Variants in PDE11A observed in about 807,000 individuals in gnomAD.
The protein encoded by PDE11A is phosphodiesterase 11A.
A neutral mutation model predicts 100.5 loss-of-function variants in PDE11A; 100 were observed. The observed-to-expected ratio is 1.00, with a 90% CI of 0.85 to 1.18. The LOEUF is 1.18. Ranked by LOEUF, PDE11A falls within the 50% of genes most tolerant of loss-of-function variation. PDE11A has a pLI of 0.00. For synonymous variants in PDE11A, 381 were observed against 420.8 expected, an observed-to-expected ratio of 0.91 and a Z score of 1.16; for missense variants, 1,141 against 1,152.6, an observed-to-expected ratio of 0.99 and a Z score of 0.15.
intron 5 of PDE11A, among the ~76,000 whole-genome samples, chr2:177,857,631 G>T (rs1048948689): frequency 1.3e-4 from 19 of 151,838 alleles, no homozygotes; most frequent in Non-Finnish European, 4.4e-5. Flanking sequence ...GAATACAAAG[G>T]ACAGAAGGCA....
At chr2:177,744,819 C>T (rs1039484603) in intron 10 of PDE11A, among the ~76,000 whole-genome samples, 1 of 152,296 alleles carries the variant, frequency 6.6e-6, no homozygotes, top group Non-Finnish European at 1.5e-5. Context: ...CACGCACATG[C>T]ACGGAGCAGA....
chr2:177,881,925 A>G (rs565303502), intron 4 of PDE11A, among the ~76,000 whole-genome samples: 1 of 152,348 alleles, frequency 6.6e-6, no homozygotes, highest in South Asian at 2.1e-4. Context: ...CTAAATTGTT[A>G]ATGGCTAATG....
At chr2:177,834,847 GT>G (rs148224967) in intron 6 of PDE11A, among the ~76,000 whole-genome samples, 21 of 149,994 alleles carry the variant, frequency 1.4e-4, no homozygotes, top group East Asian at 1.4e-3. Context: ...CTATGCAAGA[GT>G]TTTTTTTTTC....
At chr2:177,994,760 C>G (rs914850601) in intron 2 of PDE11A, among the ~76,000 whole-genome samples, 3 of 152,132 alleles carry the variant, frequency 2.0e-5, no homozygotes, top group African/African-American at 7.2e-5. Flanking sequence ...TGCTGCTGAT[C>G]AGAAGTTTGC....
intron 2 of PDE11A, among the ~76,000 whole-genome samples, chr2:178,087,435 A>G (rs1357208914): frequency 6.6e-6 from 1 of 152,190 alleles, no homozygotes; most frequent in Non-Finnish European, 1.5e-5. Context: ...CTTGTGCAGC[A>G]ACATGGATAA....
chr2:178,030,295 T>A (rs1176020381), intron 1 of PDE11A, among the ~76,000 whole-genome samples: 1 of 152,056 alleles, frequency 6.6e-6, no homozygotes, highest in South Asian at 2.1e-4. Flanking sequence ...AAAAGTTAGA[T>A]GAAATAAATA....
intron 19 of PDE11A, among the ~76,000 whole-genome samples, chr2:177,662,548 G>A (rs190736265): frequency 3.9e-5 from 6 of 152,294 alleles, no homozygotes; most frequent in East Asian, 3.9e-4. Flanking sequence ...ATGGGGGACT[G>A]CTTATTCGGA....
At chr2:177,748,634 GT>G (rs892234787) in intron 10 of PDE11A, among the ~76,000 whole-genome samples, 64 of 55,094 alleles carry the variant, frequency 1.2e-3, no homozygotes, top group African/African-American at 2.2e-3. Flanking sequence ...TGAGACAGCA[GT>G]TTTTTTTTTT....
chr2:178,006,219 GA>G (rs915543905), intron 2 of PDE11A, among the ~76,000 whole-genome samples: 3 of 152,038 alleles, frequency 2.0e-5, no homozygotes, highest in East Asian at 1.9e-4. Flanking sequence ...GGGACTTCTG[GA>G]AAAAAATGTT....
intron 2 of PDE11A, chr2:177,922,860 C>A: frequency 5.1e-6 from 5 of 979,222 alleles, no homozygotes; most frequent in Non-Finnish European, 6.1e-6. Flanking sequence ...AATAGATTAT[C>A]CATGCCCATG....
chr2:178,063,445 G>C (rs1196046308), intron 1 of PDE11A, among the ~76,000 whole-genome samples: 1 of 152,180 alleles, frequency 6.6e-6, no homozygotes. Flanking sequence ...GGGAGGCATG[G>C]CACACTGTGC....
At chr2:177,962,432 T>C (rs1402563130) in intron 2 of PDE11A, among the ~76,000 whole-genome samples, 2 of 152,074 alleles carry the variant, frequency 1.3e-5, no homozygotes, top group Admixed American at 1.3e-4. Flanking sequence ...ATATAATGAA[T>C]TTATATAGTA....
rs926460319 is a variant in PDE11A, at chr2:178,072,745, G to A, written c.-308C>T. On this transcript the variant is annotated 5_prime_UTR_variant, in exon 1 of 20. Transcript: ENST00000286063. Reference sequence around the variant, plus strand: ...AGCTATCGCTGCTCCTGTTCTGGCTGCCGCCGCTGCTGCTGGAACTGCTGC... The same window carrying A: ...AGCTATCGCTGCTCCTGTTCTGGCTACCGCCGCTGCTGCTGGAACTGCTGC... 1.1e-5 allele frequency: 14 copies of A among 1,320,660 alleles called. No homozygotes were observed. In the African/African-American group the frequency reaches 1.5e-4, roughly 14 times the overall value. The allele number at this position is 1,320,660 out of a possible 1,614,324, so 81.8% of individuals were successfully genotyped here. A position where few individuals can be genotyped will look rare whatever the true frequency, so the allele number is the denominator to read the frequency against.
At chr2:177,948,693 C>T (rs916466587) in intron 2 of PDE11A, among the ~76,000 whole-genome samples, 1 of 152,090 alleles carries the variant, frequency 6.6e-6, no homozygotes, top group Admixed American at 6.6e-5. Flanking sequence ...TGCTTGAGTC[C>T]AGGAGTTTAG....
chr2:177,643,415 G>A (rs2080175121), intron 19 of PDE11A, among the ~76,000 whole-genome samples: 1 of 152,196 alleles, frequency 6.6e-6, no homozygotes, highest in Non-Finnish European at 1.5e-5. Context: ...GAGACTGGCA[G>A]CATTTTGTCC....
At chr2:177,676,748 C>A (rs2080782035) in intron 16 of PDE11A, among the ~76,000 whole-genome samples, 1 of 152,232 alleles carries the variant, frequency 6.6e-6, no homozygotes, top group Admixed American at 6.5e-5. Context: ...GGCATTTCTA[C>A]ACTGCTTACT....
At chr2:177,931,325 C>T (rs1282820299) in intron 2 of PDE11A, among the ~76,000 whole-genome samples, 6 of 152,176 alleles carry the variant, frequency 3.9e-5, no homozygotes, top group Admixed American at 3.9e-4. Flanking sequence ...TTTAGCATGG[C>T]TAAACTGAGC....
chr2:177,843,019 G>C (rs900678064), intron 5 of PDE11A, among the ~76,000 whole-genome samples: 2 of 152,152 alleles, frequency 1.3e-5, no homozygotes, highest in African/African-American at 4.8e-5. Flanking sequence ...GGAAGGGAAG[G>C]AGGAGAAAAG....
chr2:177,868,865 A>G (rs1442805933), intron 5 of PDE11A, among the ~76,000 whole-genome samples: 1 of 152,210 alleles, frequency 6.6e-6, no homozygotes, highest in African/African-American at 2.4e-5. Context: ...GTTGGCTGCA[A>G]TTTTAAGGGT....
Sources: allele counts gnomAD v4.1 joint callset (sites outside exome capture counted in the v4.1 genomes callset), GRCh38; gene constraint gnomAD v4.1.1; transcripts MANE v1.5; gene names NCBI Gene and HGNC (gene_info 2026-07-23, HGNC 2026-07-21).